Variants in BICRA observed in about 807,000 individuals in gnomAD.
BICRA encodes the protein BRD4 interacting chromatin remodeling complex associated protein.
Under a neutral mutation model 96.9 loss-of-function variants are expected in BICRA, and 31 were observed. The ratio of observed to expected loss-of-function variants is 0.32; its 90% CI spans 0.24 to 0.43. The LOEUF is 0.43. Ranked by LOEUF, BICRA falls within the 20% of genes least tolerant of loss-of-function variation. The pLI is 1.00. For synonymous variants in BICRA, 1,350 were observed against 1,071.8 expected, an observed-to-expected ratio of 1.26 and a Z score of -5.07; for missense variants, 2,283 against 2,190.3, an observed-to-expected ratio of 1.04 and a Z score of -0.84.
intron 7 of BICRA, among the ~76,000 whole-genome samples, chr19:47,689,309 G>A (rs1196096010): frequency 6.6e-6 from 1 of 151,706 alleles, no homozygotes; most frequent in Non-Finnish European, 1.5e-5. Context: ...TTGCTCTGTT[G>A]CCCAGGCTGG....
intron 1 of BICRA, among the ~76,000 whole-genome samples, chr19:47,646,502 G>T (rs1364796660): frequency 6.6e-6 from 1 of 152,182 alleles, no homozygotes; most frequent in African/African-American, 2.4e-5. Flanking sequence ...TCTCCCATGT[G>T]TTTTACTTTT....
chr19:47,683,159 G>T (rs889726683), intron 7 of BICRA, among the ~76,000 whole-genome samples: 1 of 152,136 alleles, frequency 6.6e-6, no homozygotes, highest in African/African-American at 2.4e-5. Flanking sequence ...AAAGGAATTT[G>T]CTGGCTCTAA....
At chr19:47,667,159 C>T (rs966496522) in intron 1 of BICRA, among the ~76,000 whole-genome samples, 2 of 152,190 alleles carry the variant, frequency 1.3e-5, no homozygotes, top group Admixed American at 1.3e-4. Flanking sequence ...GCTAGGACTA[C>T]AGGCGCCCAC....
chr19:47,685,847 CTG>C (rs1973149468), intron 7 of BICRA, among the ~76,000 whole-genome samples: 2 of 151,546 alleles, frequency 1.3e-5, no homozygotes, highest in South Asian at 4.2e-4. Flanking sequence ...AATGCAAAGA[CTG>C]TGTTCTGCAT....
At chr19:47,608,641 A>G (rs1201909714), upstream of BICRA, among the ~76,000 whole-genome samples, 1 of 151,610 alleles carries the variant, frequency 6.6e-6, no homozygotes, top group Non-Finnish European at 1.5e-5. Context: ...CCCGAGCTCG[A>G]GCAGGCGCGC....
chr19:47,698,596 C>T lies in BICRA; in HGVS notation c.3249-38C>T. 1 of 968,346 alleles carries T rather than the reference C, an allele frequency of 1.0e-6. No individual in the cohort carries two copies. Among genetic ancestry groups the T allele is most frequent in the Non-Finnish European group, 1.7e-6 (1 of 600,868 alleles). 60.0% of individuals were successfully genotyped at this position (968,346 alleles called of 1,614,324 possible). A position where few individuals can be genotyped will look rare whatever the true frequency, so the allele number is the denominator to read the frequency against. ...CCTGGCCCTCACCCGTCCCCCCCAC[C>T]CTCCGCCGTGTGTGGTCTCTCCCCT... On this transcript the variant is annotated intron_variant, in intron 11 of 14. Transcript: ENST00000594866. The surrounding 1 kb of genome is among the most constrained non-coding windows in gnomAD (Gnocchi z 4.8).
Position 47,681,014 on chromosome 19 carries a change from C to T in BICRA, c.1844C>T (p.Ala615Val). 6.9e-7 allele frequency: 1 copy of T among 1,447,418 alleles called. No homozygotes were observed. Among genetic ancestry groups the T allele is most frequent in the Non-Finnish European group, 9.0e-7 (1 of 1,109,244 alleles). 89.7% of individuals were successfully genotyped at this position (1,447,418 alleles called of 1,614,324 possible). ...ACCCCTGCCGCTGCCACCGGGGAGG[C>T]CGCGCCTGTCCTCACGGTGCAGCCT... Reference protein sequence around the residue: ...PATPAAATGEAAPVLTVQPAP... With the variant: ...PATPAAATGEVAPVLTVQPAP... Residue 615 changes from alanine (A) to valine (V), a missense_variant, in exon 6 of 15, where the codon GCC becomes GTC. By Grantham distance (64) the Ala-to-Val change is moderately conservative. Transcript: ENST00000594866.
At chr19:47,647,536 A>G (rs976616950) in intron 1 of BICRA, among the ~76,000 whole-genome samples, 6 of 152,068 alleles carry the variant, frequency 3.9e-5, no homozygotes, top group African/African-American at 9.7e-5. Context: ...CTGCCCCGCT[A>G]TGCATAAAGT....
At chr19:47,653,330 A>ATT (rs144356560) in intron 1 of BICRA, among the ~76,000 whole-genome samples, 203 of 143,948 alleles carry the variant, frequency 1.4e-3, no homozygotes, top group South Asian at 5.3e-3. Flanking sequence ...GCCTCATTCT[A>ATT]TTTTTTTTTT....
Position 47,702,435 on chromosome 19 carries a change from C to G in BICRA, c.*20C>G. Reference sequence around the variant, plus strand: ...AGATAACACCGGGCCGCCTCCCCTTCCCCGTCCCCTCCTCCCGAAGACGCC... The same window carrying G: ...AGATAACACCGGGCCGCCTCCCCTTGCCCGTCCCCTCCTCCCGAAGACGCC... On this transcript the variant is annotated 3_prime_UTR_variant, in exon 15 of 15. Coordinates refer to ENST00000594866, the MANE Select transcript of BICRA (RefSeq NM_001394372.1). 2 of 1,462,446 alleles carry G rather than the reference C, an allele frequency of 1.4e-6. No homozygotes were observed. Among genetic ancestry groups the G allele is most frequent in the Non-Finnish European group, 1.8e-6 (2 of 1,121,986 alleles). 90.6% of individuals were successfully genotyped at this position (1,462,446 alleles called of 1,614,324 possible).
chr19:47,659,509 G>A (rs771727348), intron 1 of BICRA, among the ~76,000 whole-genome samples: 10 of 152,078 alleles, frequency 6.6e-5, no homozygotes, highest in African/African-American at 9.7e-5. Flanking sequence ...GCATGACTCT[G>A]TGGTGTGTCC....
chr19:47,692,137 G>C (rs111747878), intron 7 of BICRA, among the ~76,000 whole-genome samples: 1 of 152,068 alleles, frequency 6.6e-6, no homozygotes, highest in Non-Finnish European at 1.5e-5. Context: ...CCGACTCAGC[G>C]ACGCACCTGC....
chr19:47,611,635 T>C (rs1971908856), intron 1 of BICRA, among the ~76,000 whole-genome samples: 1 of 152,196 alleles, frequency 6.6e-6, no homozygotes, highest in Admixed American at 6.5e-5. Flanking sequence ...GGCCCTTTGA[T>C]GCAGCTAGCG....
chr19:47,662,398 A>T (rs1972717121), intron 1 of BICRA: 1 of 152,214 alleles, frequency 6.6e-6, no homozygotes, highest in Non-Finnish European at 1.5e-5. Flanking sequence ...ACCATCGGCC[A>T]GGCTCCTTGG....
In BICRA at chr19:47,680,266, C is replaced by G; in HGVS notation, c.1096C>G (p.Leu366Val). 1 of 1,561,120 alleles carries G rather than the reference C, an allele frequency of 6.4e-7. No individual in the cohort carries two copies. Among genetic ancestry groups the G allele is most frequent in the Non-Finnish European group, 8.6e-7 (1 of 1,162,602 alleles). ...AGVLPPKLYQ[L>V]TPKPFAPAGA... Reference sequence around the variant, plus strand: ...GGTGCTGCCGCCCAAGCTCTACCAGCTGACGCCCAAGCCGTTTGCGCCCGC... The same window carrying G: ...GGTGCTGCCGCCCAAGCTCTACCAGGTGACGCCCAAGCCGTTTGCGCCCGC... The change falls in exon 6 of 15, where the codon CTG (leucine) becomes GTG (valine). Residue 366 changes from leucine to valine, a missense_variant. Leu to Val is a conservative substitution (Grantham distance 32, BLOSUM62 1). Transcript: ENST00000594866.
At chr19:47,650,876 C>T (rs1289224258) in intron 1 of BICRA, among the ~76,000 whole-genome samples, 1 of 152,118 alleles carries the variant, frequency 6.6e-6, no homozygotes, top group African/African-American at 2.4e-5. Flanking sequence ...CACCATCCGC[C>T]CAGCCCGCAC....
chr19:47,694,847 C>A (rs1973308493), intron 8 of BICRA, 53 bp from the exon 9 acceptor site: 1 of 1,333,136 alleles, frequency 7.5e-7, no homozygotes, highest in Non-Finnish European at 1.0e-6. Context: ...CGTCTGGACA[C>A]CCCTACACCT....
At chr19:47,669,220 G>C (rs759743551) in intron 1 of BICRA, among the ~76,000 whole-genome samples, 1 of 152,156 alleles carries the variant, frequency 6.6e-6, no homozygotes, top group Non-Finnish European at 1.5e-5. Context: ...ACCTGTGTTA[G>C]AGAAGCTTCC....
chr19:47,631,427 C>T (rs1304852118), intron 1 of BICRA, among the ~76,000 whole-genome samples: 1 of 152,060 alleles, frequency 6.6e-6, no homozygotes. Context: ...AGGGTTTCAC[C>T]ATATTGGTCA....
Sources: allele counts gnomAD v4.1 joint callset (sites outside exome capture counted in the v4.1 genomes callset), GRCh38; gene constraint gnomAD v4.1.1; non-coding constraint Gnocchi (gnomAD v3.1); transcripts MANE v1.5; gene names NCBI Gene and HGNC (gene_info 2026-07-23, HGNC 2026-07-21).